CDH13: variants seen among roughly 807,000 people sequenced by gnomAD.
CDH13 encodes cadherin 13, also known as cadherin-13.
In CDH13, 24 loss-of-function variants were observed where a neutral mutation model predicts 63.8. The observed-to-expected ratio is 0.38, with a 90% CI of 0.27 to 0.53. CDH13 has a LOEUF of 0.53. CDH13 is among the 20% of genes least tolerant of loss of function. The pLI, the probability that CDH13 is intolerant of heterozygous loss-of-function variation, is 0.85. For synonymous variants in CDH13, 503 were observed against 355.3 expected, an observed-to-expected ratio of 1.42 and a Z score of -4.67; for missense variants, 1,049 against 903.1, an observed-to-expected ratio of 1.16 and a Z score of -2.07.
At chr16:83,226,440 G>A (rs1405287249) in intron 5 of CDH13, among the ~76,000 whole-genome samples, 1 of 152,152 alleles carries the variant, frequency 6.6e-6, no homozygotes, top group Non-Finnish European at 1.5e-5. Context: ...TGGCAGGTGG[G>A]AGAACCCCAC....
Position 83,711,097 on chromosome 16 carries a change from C to T in CDH13, c.1538+32636C>T, listed in dbSNP as rs190635975. Among the ~76,000 whole-genome samples, 4 of 152,310 alleles carry T rather than the reference C, an allele frequency of 2.6e-5. No homozygotes were observed. In the East Asian group the frequency reaches 7.7e-4, roughly 29 times the overall value. On this transcript the variant is annotated intron_variant, in intron 10 of 13. Coordinates refer to ENST00000567109, the MANE Select transcript of CDH13 (RefSeq NM_001257.5). ...CCACCTTGGGGCAGGTGCCACTGGACAGTAGCCTGCGTGGACAACTAAAGC... is the reference window on the plus strand; with the variant it reads ...CCACCTTGGGGCAGGTGCCACTGGATAGTAGCCTGCGTGGACAACTAAAGC...
intron 6 of CDH13, among the ~76,000 whole-genome samples, chr16:83,434,836 A>T (rs2072236910): frequency 9.4e-6 from 1 of 106,806 alleles, no homozygotes; most frequent in African/African-American, 4.2e-5. Flanking sequence ...ACCTATTTAA[A>T]ATATATATAT....
chr16:83,454,281 G>A (rs1270801704), intron 6 of CDH13, among the ~76,000 whole-genome samples: 1 of 152,188 alleles, frequency 6.6e-6, no homozygotes, highest in Non-Finnish European at 1.5e-5. Flanking sequence ...CTGAGAAAAT[G>A]ATTGAGAAGT....
chr16:83,545,789 A>G (rs1176869461), intron 7 of CDH13, among the ~76,000 whole-genome samples: 1 of 152,082 alleles, frequency 6.6e-6, no homozygotes, highest in Non-Finnish European at 1.5e-5. Flanking sequence ...TCCAACTCCT[A>G]CTTCAAGACC....
Position 83,476,814 on chromosome 16 carries a change from A to G in CDH13, c.782-9663A>G, listed in dbSNP as rs773648802. 2.6e-4 allele frequency among the ~76,000 whole-genome samples: 40 copies of G among 152,240 alleles called. 1 individual carries two copies. The highest frequency in any genetic ancestry group is 4.3e-4 in the Non-Finnish European group (29 of 68,048). On this transcript the variant is annotated intron_variant, in intron 6 of 13. Coordinates refer to ENST00000567109, the MANE Select transcript of CDH13 (RefSeq NM_001257.5). ...ATTCAATATAAAGAGTATTTTTATT[A>G]TTAGTTTGGAATATTAAAGTTTCCA... is the stretch of plus-strand genomic sequence containing the variant.
intron 3 of CDH13, among the ~76,000 whole-genome samples, chr16:83,039,158 A>G (rs934718929): frequency 2.0e-5 from 3 of 152,212 alleles, no homozygotes; most frequent in African/African-American, 7.2e-5. Context: ...ATACGCTTGG[A>G]TCCAGCTTCA....
At chr16:83,648,912 C>T (rs1194308389) in intron 8 of CDH13, among the ~76,000 whole-genome samples, 2 of 151,880 alleles carry the variant, frequency 1.3e-5, no homozygotes. Flanking sequence ...CCTTCTTTTT[C>T]TGCACTCTAT....
chr16:83,297,939 G>A (rs990868490), intron 5 of CDH13, among the ~76,000 whole-genome samples: 7 of 151,718 alleles, frequency 4.6e-5, no homozygotes, highest in African/African-American at 4.8e-5. Context: ...AACCCAGCAC[G>A]GCAGCTCACA....
chr16:83,339,430 C>G (rs958443378), intron 5 of CDH13, among the ~76,000 whole-genome samples: 1 of 152,028 alleles, frequency 6.6e-6, no homozygotes, highest in Non-Finnish European at 1.5e-5. Flanking sequence ...AAGCTGGGCC[C>G]CTAAAAACTG....
At chr16:83,542,001 T>C (rs2075304348) in intron 7 of CDH13, among the ~76,000 whole-genome samples, 1 of 152,250 alleles carries the variant, frequency 6.6e-6, no homozygotes, top group South Asian at 2.1e-4. Context: ...TTGCTATTAG[T>C]ATTAATGTGT....
At chr16:83,712,778 C>A (rs1188453964) in intron 10 of CDH13, among the ~76,000 whole-genome samples, 1 of 152,230 alleles carries the variant, frequency 6.6e-6, no homozygotes, top group Non-Finnish European at 1.5e-5. Flanking sequence ...GTTTAGCTCG[C>A]CACACAACAT....
At chr16:82,852,037 T>TG (rs1447997683) in intron 1 of CDH13, among the ~76,000 whole-genome samples, 1 of 152,114 alleles carries the variant, frequency 6.6e-6, no homozygotes, top group Non-Finnish European at 1.5e-5. Context: ...CCAGAGACAC[T>TG]GGGGTGTTGG....
chr16:83,678,483 C>A, intron 10 of CDH13, 22 bp downstream of exon 10: 1 of 1,613,272 alleles, frequency 6.2e-7, no homozygotes, highest in Non-Finnish European at 8.5e-7. Flanking sequence ...GCTCCGGAAC[C>A]ACAGACGGGA....
At position 82,653,624 on chromosome 16, in the gene CDH13, C is replaced by CT. The variant is rs1910978195; in HGVS notation, c.45+26488dup. On this transcript the variant is annotated intron_variant, in intron 1 of 13. Coordinates refer to ENST00000567109, the MANE Select transcript of CDH13 (RefSeq NM_001257.5). Reference sequence around the variant, plus strand: ...TGGGGCTGGAGGCCAAGGTGCAGGGCTGCAGGGGTAGGAGGGAGCAGCCAG... The same window carrying CT: ...TGGGGCTGGAGGCCAAGGTGCAGGGCTTGCAGGGGTAGGAGGGAGCAGCCAG... Among the ~76,000 whole-genome samples the CT allele has an allele frequency of 2.0e-5, 3 of 152,034 alleles. 1 individual carries two copies. The South Asian group carries it at 6.2e-4, about 32-fold the overall frequency.
intron 2 of CDH13, among the ~76,000 whole-genome samples, chr16:83,001,316 G>A (rs1001095100): frequency 6.6e-6 from 1 of 152,248 alleles, no homozygotes; most frequent in Non-Finnish European, 1.5e-5. Context: ...CTTAGCACAA[G>A]TAGTGTTGCA....
At chr16:82,724,939 C>A (rs1356294636) in intron 1 of CDH13, among the ~76,000 whole-genome samples, 2 of 152,164 alleles carry the variant, frequency 1.3e-5, no homozygotes. Flanking sequence ...GATAATTTAG[C>A]TCATACTTAA....
intron 1 of CDH13, among the ~76,000 whole-genome samples, chr16:82,692,859 C>T (rs1255487627): frequency 6.6e-6 from 1 of 152,142 alleles, no homozygotes; most frequent in African/African-American, 2.4e-5. Flanking sequence ...CCCCGGTGAT[C>T]CTCACTTCCT....
At chr16:83,433,051 T>A (rs1459458649) in intron 6 of CDH13, among the ~76,000 whole-genome samples, 1 of 152,142 alleles carries the variant, frequency 6.6e-6, no homozygotes, top group Non-Finnish European at 1.5e-5. Flanking sequence ...CTCCCTTGGC[T>A]CTCTTACTGT....
intron 4 of CDH13, among the ~76,000 whole-genome samples, chr16:83,142,770 A>G (rs2036588072): frequency 7.6e-6 from 1 of 131,484 alleles, no homozygotes; most frequent in Non-Finnish European, 1.6e-5. Context: ...ATGAATGGTC[A>G]AAAAAGGCCA....
Sources: allele counts gnomAD v4.1 joint callset (sites outside exome capture counted in the v4.1 genomes callset), GRCh38; gene constraint gnomAD v4.1.1; transcripts MANE v1.5; gene names NCBI Gene and HGNC (gene_info 2026-07-23, HGNC 2026-07-21).